ANKRD30B: variants seen among roughly 807,000 people sequenced by gnomAD.
The protein encoded by ANKRD30B is ankyrin repeat domain-containing protein 30B.
In ANKRD30B, 144 loss-of-function variants were observed where a neutral mutation model predicts 202.2. The observed-to-expected ratio is 0.71, with a 90% CI of 0.62 to 0.82. ANKRD30B has a LOEUF of 0.82. ANKRD30B is among the 40% of genes least tolerant of loss of function. The pLI is 0.00. For synonymous variants in ANKRD30B, 508 were observed against 561.3 expected, an observed-to-expected ratio of 0.91 and a Z score of 1.34; for missense variants, 1,487 against 1,669.1, an observed-to-expected ratio of 0.89 and a Z score of 1.90.
the ANKRD30B span, among the ~76,000 whole-genome samples, chr18:14,913,406 A>T: frequency 6.6e-6 from 1 of 152,178 alleles, no homozygotes; most frequent in Admixed American, 6.5e-5. Flanking sequence ...AGAAGAGGGA[A>T]TTTTATGAAT....
At chr18:14,751,459 G>A (rs2143629628) in intron 1 of ANKRD30B, among the ~76,000 whole-genome samples, 1 of 152,124 alleles carries the variant, frequency 6.6e-6, no homozygotes, top group East Asian at 1.9e-4. Flanking sequence ...GGAGTATTAG[G>A]ACTGAATCTC....
chr18:14,867,649 G>A, the ANKRD30B span, among the ~76,000 whole-genome samples: 2 of 152,148 alleles, frequency 1.3e-5, no homozygotes, highest in Admixed American at 6.5e-5. Context: ...GGAGGAGTCA[G>A]GAATGGGAAC....
chr18:14,770,698 A>T (rs779482839), intron 8 of ANKRD30B, among the ~76,000 whole-genome samples: 2 of 152,174 alleles, frequency 1.3e-5, no homozygotes, highest in Non-Finnish European at 2.9e-5. Flanking sequence ...CACAGAAGAC[A>T]TTGGGAGTTA....
chr18:14,923,424 G>A, the ANKRD30B span, among the ~76,000 whole-genome samples: 15 of 152,148 alleles, frequency 9.9e-5, no homozygotes, highest in Non-Finnish European at 1.6e-4. Flanking sequence ...ACTGCCTGTG[G>A]AAAGAGGAGA....
At chr18:14,917,746 G>T in the ANKRD30B span, among the ~76,000 whole-genome samples, 3 of 152,154 alleles carry the variant, frequency 2.0e-5, no homozygotes, top group African/African-American at 7.2e-5. Flanking sequence ...GTGTGCTCAG[G>T]GCCTGCTCTT....
intron 32 of ANKRD30B, among the ~76,000 whole-genome samples, chr18:14,826,689 T>TCACACACACACA (rs1324783952): frequency 9.7e-4 from 22 of 22,696 alleles, no homozygotes; most frequent in Non-Finnish European, 1.8e-3. Flanking sequence ...TCTCTCTCTC[T>TCACACACACACA]CTCTCACACA....
At chr18:14,814,589 T>C (rs539714341) in intron 29 of ANKRD30B, 32 bp from the exon 30 acceptor site, 25 of 1,249,198 alleles carry the variant, frequency 2.0e-5, no homozygotes, top group Non-Finnish European at 2.8e-5. Context: ...GATTTCTCCA[T>C]TGAAATTATT....
the ANKRD30B span, among the ~76,000 whole-genome samples, chr18:14,880,934 T>C: frequency 6.6e-6 from 1 of 152,228 alleles, no homozygotes; most frequent in African/African-American, 2.4e-5. Context: ...TCCATTAATC[T>C]TGTATCTGGA....
the ANKRD30B span, among the ~76,000 whole-genome samples, chr18:14,888,235 A>C: frequency 7.9e-5 from 12 of 152,024 alleles, no homozygotes; most frequent in Non-Finnish European, 1.8e-4. Flanking sequence ...AATGCTGCTC[A>C]TTTTCCAAAG....
chr18:14,842,351 TA>T (rs1971452533), intron 37 of ANKRD30B, among the ~76,000 whole-genome samples: 1 of 152,238 alleles, frequency 6.6e-6, no homozygotes, highest in African/African-American at 2.4e-5. Context: ...TATTTAGTAT[TA>T]TCCATTAAGT....
At chr18:14,895,330 G>T in the ANKRD30B span, among the ~76,000 whole-genome samples, 1 of 152,022 alleles carries the variant, frequency 6.6e-6, no homozygotes. Flanking sequence ...ACAACAATGA[G>T]ATACCTCTAT....
At chr18:14,829,026 T>G (rs1332879044) in intron 33 of ANKRD30B, among the ~76,000 whole-genome samples, 3 of 152,196 alleles carry the variant, frequency 2.0e-5, no homozygotes, top group African/African-American at 7.2e-5. Context: ...CTTAGTTGCA[T>G]GCACTCTTCA....
the ANKRD30B span, among the ~76,000 whole-genome samples, chr18:14,867,835 C>T: frequency 0.015 from 2,330 of 152,298 alleles, 55 homozygotes; most frequent in African/African-American, 0.053. Context: ...AAAACTGGCC[C>T]CAGCCACCCA....
chr18:14,804,651 G>C (rs1307985669), intron 24 of ANKRD30B, among the ~76,000 whole-genome samples: 2 of 150,652 alleles, frequency 1.3e-5, no homozygotes, highest in East Asian at 3.9e-4. Flanking sequence ...GACAGAAAAG[G>C]GTCAGGAGAA....
the ANKRD30B span, among the ~76,000 whole-genome samples, chr18:14,922,432 G>A: frequency 6.6e-6 from 1 of 151,812 alleles, no homozygotes; most frequent in Non-Finnish European, 1.5e-5. Flanking sequence ...GAGGCAGGTG[G>A]ATCAAGAGGT....
chr18:14,888,766 T>C, the ANKRD30B span: 1 of 1,129,828 alleles, frequency 8.9e-7, no homozygotes, highest in Non-Finnish European at 1.3e-6. Context: ...TTTTTCCTCT[T>C]AGAGGAATCC....
At chr18:14,859,142 C>A (rs1972143496), downstream of ANKRD30B, among the ~76,000 whole-genome samples, 1 of 126,790 alleles carries the variant, frequency 7.9e-6, no homozygotes, top group African/African-American at 3.1e-5. Context: ...GACGGGGAGA[C>A]CAGGAAGAGG....
rs762430431 is a variant in ANKRD30B, at chr18:14,796,353, G to T, written c.1865G>T (p.Gly622Val). The T allele has an allele frequency of 5.0e-6, 8 of 1,585,268 alleles. No homozygotes were observed. The highest frequency in any genetic ancestry group is 6.9e-6 in the Non-Finnish European group (8 of 1,164,228). Residue 622 changes from glycine (G) to valine (V), a missense_variant, in exon 18 of 44, where the codon GGA becomes GTA. Gly to Val is a moderately radical substitution (Grantham distance 109). This residue lies in a region of ANKRD30B where 889 missense variants were observed against 841.4 expected (regional missense o/e 1.06). Coordinates refer to ENST00000690538, the MANE Select transcript of ANKRD30B (RefSeq NM_001367607.2). ...VKDGLLKPTC[G>V]RKVSLPNKAL... The stretch of plus-strand genomic sequence containing the variant: ...TCCAAACCCATTTAGCCTACCTGTG[G>T]AAGGAAAGTTTCTCTTCCAAATAAA...
chr18:14,771,380 T>G (rs2143797024), intron 8 of ANKRD30B, among the ~76,000 whole-genome samples: 1 of 152,302 alleles, frequency 6.6e-6, no homozygotes, highest in African/African-American at 2.4e-5. Context: ...TCTAGCAGTC[T>G]CTCTCCTTGG....
Sources: gnomAD v4.1 joint callset for allele counts (sites outside exome capture counted in the v4.1 genomes callset) on GRCh38, gnomAD v4.1.1 for gene constraint, gnomAD v4.1.1 regional missense constraint, MANE v1.5 for transcripts, NCBI Gene and HGNC (gene_info 2026-07-23, HGNC 2026-07-21) for gene names.